Variants in NCOA2 observed in about 807,000 individuals in gnomAD.
NCOA2 encodes class E basic helix-loop-helix protein 75.
In NCOA2, 21 loss-of-function variants were observed where a neutral mutation model predicts 145.1. The observed-to-expected ratio is 0.14, with a 90% CI of 0.10 to 0.21. The LOEUF (loss-of-function observed/expected upper bound fraction) is 0.21. Among genes scored for constraint, NCOA2 ranks in the 10% least tolerant of loss-of-function variants. The pLI, the probability that NCOA2 is intolerant of heterozygous loss-of-function variation, is 1.00. For missense variants in NCOA2, 1,472 were observed against 1,837.6 expected (o/e 0.80, Z 3.64); for synonymous variants, 619 against 637.5 (o/e 0.97, Z 0.44).
intron 3 of NCOA2, among the ~76,000 whole-genome samples, chr8:70,215,069 T>C (rs1407902894): frequency 3.9e-5 from 6 of 152,184 alleles, no homozygotes; most frequent in Non-Finnish European, 5.9e-5. Flanking sequence ...TTTATACAAT[T>C]TGTCCAGGAT....
intron 4 of NCOA2, among the ~76,000 whole-genome samples, chr8:70,197,392 A>ACC (rs1274405589): frequency 6.6e-6 from 1 of 152,080 alleles, no homozygotes; most frequent in Admixed American, 6.5e-5. Flanking sequence ...GCCAAGCTGG[A>ACC]CCCCCACTGG....
chr8:70,447,284 C>T, the NCOA2 span, among the ~76,000 whole-genome samples: 3 of 152,168 alleles, frequency 2.0e-5, no homozygotes, highest in African/African-American at 7.2e-5. Context: ...TCAGTCGCAT[C>T]AGAGCACACA....
At chr8:70,266,613 C>T (rs1436965941) in intron 2 of NCOA2, among the ~76,000 whole-genome samples, 1 of 152,108 alleles carries the variant, frequency 6.6e-6, no homozygotes, top group African/African-American at 2.4e-5. Context: ...GTTTGGAATG[C>T]CATCCTCTCT....
chr8:70,396,506 A>G (rs2131712107), intron 1 of NCOA2, among the ~76,000 whole-genome samples: 1 of 152,360 alleles, frequency 6.6e-6, no homozygotes, highest in East Asian at 1.9e-4. Context: ...AACATACAAG[A>G]GTACTGTACG....
intron 2 of NCOA2, among the ~76,000 whole-genome samples, chr8:70,257,049 A>C (rs1271477622): frequency 6.6e-6 from 1 of 152,166 alleles, no homozygotes; most frequent in Non-Finnish European, 1.5e-5. Context: ...CAACAGCCCT[A>C]TGACAGAGGT....
upstream of NCOA2, among the ~76,000 whole-genome samples, chr8:70,406,647 G>A (rs549580375): frequency 6.6e-6 from 1 of 152,128 alleles, no homozygotes; most frequent in African/African-American, 2.4e-5. Context: ...AATGCAGCAT[G>A]GAAAAGTAAA....
chr8:70,408,593 G>A (rs1814815222), upstream of NCOA2, among the ~76,000 whole-genome samples: 1 of 152,136 alleles, frequency 6.6e-6, no homozygotes, highest in East Asian at 1.9e-4. Flanking sequence ...GAGCCTAGGA[G>A]TTGTAGACCA....
the NCOA2 span, among the ~76,000 whole-genome samples, chr8:70,432,135 C>T: frequency 6.6e-6 from 1 of 152,224 alleles, no homozygotes; most frequent in African/African-American, 2.4e-5. Flanking sequence ...CTTGCTAATA[C>T]TGATCATTGC....
chr8:70,417,245 TA>T, the NCOA2 span, among the ~76,000 whole-genome samples: 10,845 of 77,882 alleles, frequency 0.14, 680 homozygotes, highest in Non-Finnish European at 0.17. Context: ...TCGTCTCTAT[TA>T]AAAAAAAAAA....
At chr8:70,183,027 A>G (rs2133036228) in intron 4 of NCOA2, among the ~76,000 whole-genome samples, 1 of 152,308 alleles carries the variant, frequency 6.6e-6, no homozygotes, top group South Asian at 2.1e-4. Context: ...CTCTATTTGT[A>G]TCTTCCACAG....
intron 7 of NCOA2, among the ~76,000 whole-genome samples, chr8:70,166,223 C>T (rs552297354): frequency 6.6e-6 from 1 of 152,290 alleles, no homozygotes; most frequent in South Asian, 2.1e-4. Flanking sequence ...TATACTAGTA[C>T]AGTAGCCGCT....
intron 1 of NCOA2, among the ~76,000 whole-genome samples, chr8:70,389,455 T>C (rs934109519): frequency 6.6e-6 from 1 of 151,516 alleles, no homozygotes; most frequent in Non-Finnish European, 1.5e-5. Context: ...TAATTTTGAA[T>C]CTTTAGTAGA....
chr8:70,147,143 T>C (rs1811184139), intron 12 of NCOA2, among the ~76,000 whole-genome samples: 1 of 151,604 alleles, frequency 6.6e-6, no homozygotes, highest in African/African-American at 2.4e-5. Context: ...TGTGTGTGTG[T>C]GTGTTCTGAG....
In NCOA2 at chr8:70,174,406, C is replaced by G. The variant is rs1485710810; in HGVS notation, c.363+350G>C. Among the ~76,000 whole-genome samples the G allele has an allele frequency of 3.3e-5, 5 of 152,230 alleles. No individual in the cohort carries two copies. In the East Asian group the frequency reaches 7.7e-4, roughly 23 times the overall value. ...TGTATGTATAGGCATTTGTACATGG[C>G]ATGTACAAAATTTAAGAATTTTGAG... On this transcript the variant is annotated intron_variant, in intron 5 of 22. Coordinates refer to ENST00000452400, the MANE Select transcript of NCOA2 (RefSeq NM_006540.4).
upstream of NCOA2, among the ~76,000 whole-genome samples, chr8:70,404,056 G>A (rs1814639943): frequency 6.6e-6 from 1 of 152,194 alleles, no homozygotes; most frequent in African/African-American, 2.4e-5. Context: ...GGGCAAAGGT[G>A]GACGCAGGGT....
chr8:70,451,237 A>AAATAT, the NCOA2 span, among the ~76,000 whole-genome samples: 2 of 69,526 alleles, frequency 2.9e-5, no homozygotes, highest in East Asian at 3.1e-4. Context: ...AAAAAAAAAA[A>AAATAT]ATATATATAT....
chr8:70,147,142 G>GTA (rs1346827817), intron 12 of NCOA2, among the ~76,000 whole-genome samples: 5 of 152,012 alleles, frequency 3.3e-5, no homozygotes, highest in African/African-American at 1.2e-4. Context: ...GTGTGTGTGT[G>GTA]TGTGTTCTGA....
intron 1 of NCOA2, chr8:70,357,289 C>T (rs1809788791): frequency 6.6e-6 from 1 of 151,962 alleles, no homozygotes; most frequent in African/African-American, 2.4e-5. Flanking sequence ...AATAATATAC[C>T]TAGCTGAAGA....
intron 19 of NCOA2, among the ~76,000 whole-genome samples, chr8:70,126,226 A>G (rs187750151): frequency 6.6e-6 from 1 of 152,336 alleles, no homozygotes; most frequent in Non-Finnish European, 1.5e-5. Flanking sequence ...TCATGACATT[A>G]CACACTTGGT....
Sources: allele counts gnomAD v4.1 joint callset (sites outside exome capture counted in the v4.1 genomes callset), GRCh38; gene constraint gnomAD v4.1.1; transcripts MANE v1.5; gene names NCBI Gene and HGNC (gene_info 2026-07-23, HGNC 2026-07-21).